Variants in SLC39A12 observed in about 807,000 individuals in gnomAD.
SLC39A12 encodes the protein solute carrier family 39 member 12.
Under a neutral mutation model 71.1 loss-of-function variants are expected in SLC39A12, and 63 were observed. That is an observed-to-expected ratio of 0.89 (90% CI 0.72 to 1.09). The LOEUF (loss-of-function observed/expected upper bound fraction) is 1.09. SLC39A12 is among the 50% of genes least tolerant of loss of function. The pLI is 0.00. For synonymous variants in SLC39A12, 351 were observed against 301.3 expected (o/e 1.16, Z -1.71); for missense variants, 892 against 812.6 (o/e 1.10, Z -1.19).
chr10:18,036,053 C>A (rs916710953), intron 12 of SLC39A12, among the ~76,000 whole-genome samples: 3 of 152,236 alleles, frequency 2.0e-5, no homozygotes, highest in Admixed American at 6.5e-5. Context: ...CTCTTCAAAG[C>A]TGTCAGGCAG....
At chr10:18,002,696 C>T (rs1835871035) in intron 11 of SLC39A12, 1 of 152,294 alleles carries the variant, frequency 6.6e-6, no homozygotes, top group African/African-American at 2.4e-5. Context: ...AATTTGTTTC[C>T]TAACCAACTT....
intron 4 of SLC39A12, among the ~76,000 whole-genome samples, chr10:17,975,439 C>T (rs1017217467): frequency 8.5e-5 from 13 of 152,154 alleles, no homozygotes; most frequent in African/African-American, 3.1e-4. Context: ...TCCTTTCTGG[C>T]CCAGGGCATG....
intron 12 of SLC39A12, chr10:18,007,092 A>G (rs1489433676): frequency 1.3e-5 from 2 of 152,136 alleles, no homozygotes; most frequent in African/African-American, 4.8e-5. Context: ...TACCACAAAG[A>G]CTTCATAGAA....
chr10:17,953,554 G>T lies in SLC39A12; in HGVS notation c.261+17G>T, dbSNP rs370432793. Reference sequence around the variant, plus strand: ...TGCAATCTGGTTAGTGAAATAGAATGGGGTCAGGTATCAGGGCATGTCCAA... The same window carrying T: ...TGCAATCTGGTTAGTGAAATAGAATTGGGTCAGGTATCAGGGCATGTCCAA... On this transcript the variant is annotated intron_variant, in intron 2 of 12. Coordinates refer to ENST00000377369, the MANE Select transcript of SLC39A12 (RefSeq NM_001145195.2). 6.2e-7 allele frequency: 1 copy of T among 1,613,088 alleles called. No individual in the cohort carries two copies. Among genetic ancestry groups the T allele is most frequent in the African/African-American group, 1.3e-5 (1 of 74,900 alleles).
rs762424009 is a variant in SLC39A12 at position 18,041,510 on chromosome 10, T to TTA, written c.1948-1181_1948-1180dup. On this transcript the variant is annotated intron_variant, in intron 12 of 12. Coordinates refer to ENST00000377369, the MANE Select transcript of SLC39A12 (RefSeq NM_001145195.2). ...GACTCTGTCTCAAAAAAAAAAAACT[T>TTA]TATATATATATATATGTATATATAT... 5.3e-3 allele frequency among the ~76,000 whole-genome samples: 598 copies of TTA among 113,366 alleles called. 33 individuals carry two copies. Among genetic ancestry groups the TTA allele is most frequent in the African/African-American group, 6.6e-3 (178 of 27,112 alleles). 74.4% of individuals were successfully genotyped at this position (113,366 alleles called of 152,430 possible). A position where few individuals can be genotyped will look rare whatever the true frequency, so the allele number is the denominator to read the frequency against.
intron 2 of SLC39A12, among the ~76,000 whole-genome samples, chr10:17,956,996 T>G (rs144765563): frequency 2.0e-5 from 3 of 152,246 alleles, no homozygotes; most frequent in African/African-American, 7.2e-5. Flanking sequence ...AATCAATTGT[T>G]AGCCACCCCC....
chr10:17,962,298 G>A (rs964483889), intron 3 of SLC39A12, among the ~76,000 whole-genome samples: 1 of 152,214 alleles, frequency 6.6e-6, no homozygotes, highest in Non-Finnish European at 1.5e-5. Context: ...TTTCACTGAA[G>A]AAGCAGCTTG....
At chr10:18,016,017 T>A (rs890443422) in intron 12 of SLC39A12, among the ~76,000 whole-genome samples, 1 of 152,188 alleles carries the variant, frequency 6.6e-6, no homozygotes, top group African/African-American at 2.4e-5. Flanking sequence ...ATACATCTGT[T>A]ACAATTCACA....
intron 12 of SLC39A12, among the ~76,000 whole-genome samples, chr10:18,008,298 G>A (rs761514008): frequency 3.3e-5 from 5 of 152,136 alleles, no homozygotes; most frequent in African/African-American, 1.2e-4. Context: ...ACCTTATTGT[G>A]AACTGCGCAT....
rs1564648970 is a variant in SLC39A12 at position 17,991,140 on chromosome 10, T to TC, written c.1270-11_1270-10insC. 9 of 1,533,996 alleles carry TC rather than the reference T, an allele frequency of 5.9e-6. No individual in the cohort carries two copies. The highest frequency in any genetic ancestry group is 4.9e-5 in the Admixed American group (2 of 40,680). On this transcript the variant is annotated splice_polypyrimidine_tract_variant and intron_variant, in intron 7 of 12. Coordinates refer to ENST00000377369, the MANE Select transcript of SLC39A12 (RefSeq NM_001145195.2). ...TTCTCTCTGCCTTTTTTTTTTTTTT[T>TC]TCCCCTGAAGGTTCTTGGTTTACAT...
intron 12 of SLC39A12, among the ~76,000 whole-genome samples, chr10:18,015,368 T>C (rs988602646): frequency 6.6e-5 from 10 of 152,196 alleles, no homozygotes; most frequent in Non-Finnish European, 2.9e-5. Flanking sequence ...AACATTGTTC[T>C]CAATATGTGA....
At chr10:18,000,607 G>A in intron 10 of SLC39A12, 60 bp from the exon 11 acceptor site, 2 of 1,547,008 alleles carry the variant, frequency 1.3e-6, no homozygotes, top group Non-Finnish European at 1.8e-6. Context: ...GGTTTTGAAG[G>A]ATTTGGTGAA....
chr10:18,008,527 C>T (rs1170673935), intron 12 of SLC39A12: 2 of 152,152 alleles, frequency 1.3e-5, no homozygotes, highest in Non-Finnish European at 2.9e-5. Context: ...GTGCTTGAAT[C>T]ATCCTGAAAC....
chr10:18,041,568 A>G (rs1166529484), intron 12 of SLC39A12, among the ~76,000 whole-genome samples: 24 of 127,748 alleles, frequency 1.9e-4, no homozygotes, highest in African/African-American at 4.8e-4. Flanking sequence ...GCACACATAC[A>G]CACACACATA....
At chr10:18,034,973 G>A (rs189512791) in intron 12 of SLC39A12, among the ~76,000 whole-genome samples, 11 of 151,278 alleles carry the variant, frequency 7.3e-5, no homozygotes, top group Non-Finnish European at 1.6e-4. Context: ...TTGAATATTG[G>A]CCCCCACTCT....
At chr10:17,975,624 C>T (rs561974960) in intron 4 of SLC39A12, among the ~76,000 whole-genome samples, 5 of 152,248 alleles carry the variant, frequency 3.3e-5, no homozygotes, top group Non-Finnish European at 7.4e-5. Context: ...ATGAGCTGTG[C>T]AGCCTGGGGT....
At chr10:18,023,070 G>A (rs1486029826) in intron 12 of SLC39A12, among the ~76,000 whole-genome samples, 2 of 151,918 alleles carry the variant, frequency 1.3e-5, no homozygotes, top group Non-Finnish European at 2.9e-5. Flanking sequence ...CTTGAGTGCT[G>A]GTCACAGATC....
intron 4 of SLC39A12, among the ~76,000 whole-genome samples, chr10:17,967,024 A>AT (rs1239462412): frequency 6.6e-6 from 1 of 152,140 alleles, no homozygotes; most frequent in African/African-American, 2.4e-5. Flanking sequence ...TAAAAAAATT[A>AT]TTTTTATTGA....
At chr10:18,009,180 C>T (rs900568529) in intron 12 of SLC39A12, among the ~76,000 whole-genome samples, 2 of 152,044 alleles carry the variant, frequency 1.3e-5, no homozygotes, top group African/African-American at 2.4e-5. Context: ...AATGGTGTTT[C>T]CATAGCAACA....
Sources: gnomAD v4.1 joint callset for allele counts (sites outside exome capture counted in the v4.1 genomes callset) on GRCh38, gnomAD v4.1.1 for gene constraint, MANE v1.5 for transcripts, NCBI Gene and HGNC (gene_info 2026-07-23, HGNC 2026-07-21) for gene names.